TFAP2B: variants seen among roughly 807,000 people sequenced by gnomAD.
TFAP2B encodes transcription factor AP-2-beta.
In TFAP2B, 9 loss-of-function variants were observed where a neutral mutation model predicts 44.3. The ratio of observed to expected loss-of-function variants is 0.20; its 90% CI spans 0.12 to 0.35. TFAP2B has a LOEUF of 0.35. Among genes scored for constraint, TFAP2B ranks in the 10% least tolerant of loss-of-function variants. The pLI is 1.00. For missense variants in TFAP2B, 509 were observed against 600.0 expected (o/e 0.85, Z 1.59); for synonymous variants, 270 against 263.8 (o/e 1.02, Z -0.23).
intron 2 of TFAP2B, among the ~76,000 whole-genome samples, 187 bp from the exon 3 acceptor site, chr6:50,828,432 G>A (rs1221496569): frequency 1.3e-5 from 2 of 151,950 alleles, no homozygotes; most frequent in African/African-American, 4.8e-5. Context: ...TTCTTCCATT[G>A]GAAAAATTTA....
intron 3 of TFAP2B, chr6:50,830,272 G>T (rs1166592067): frequency 1.0e-6 from 1 of 984,074 alleles, no homozygotes; most frequent in East Asian, 1.1e-4. Context: ...CCCAACAGAT[G>T]ACCAATCAGA....
chr6:50,823,658 G>T lies in TFAP2B; in HGVS notation c.333G>T (p.Arg111=), dbSNP rs1770420707. ...PQQHPWGQRQ[R]QEVGSEAGSL... ...AACATCCCTGGGGGCAACGGCAGCG[G>T]CAAGAAGTGGGTTCGGAAGCCGGCT... is the stretch of plus-strand genomic sequence containing the variant. The change falls in exon 2 of 7, where the codon CGG becomes CGT. Residue 111 remains arginine, a synonymous_variant. Transcript: ENST00000393655. 1 of 1,613,868 alleles carries T rather than the reference G, an allele frequency of 6.2e-7. No individual in the cohort carries two copies. The highest frequency in any genetic ancestry group is 8.5e-7 in the Non-Finnish European group (1 of 1,179,954).
chr6:50,834,813 T>G (rs756524534), intron 3 of TFAP2B, among the ~76,000 whole-genome samples: 15 of 152,194 alleles, frequency 9.9e-5, no homozygotes, highest in Admixed American at 3.3e-4. Context: ...TTCCAAAGAT[T>G]TTTTGGACTG....
At chr6:50,832,539 A>G (rs1325793059) in intron 3 of TFAP2B, among the ~76,000 whole-genome samples, 1 of 152,188 alleles carries the variant, frequency 6.6e-6, no homozygotes, top group Non-Finnish European at 1.5e-5. Context: ...ATCTGAGGAA[A>G]GGGTGCTTTG....
At position 50,846,374 on chromosome 6, in the gene TFAP2B, A is replaced by T. The variant is rs1359936143; in HGVS notation, c.*2982A>T. ...CTATAAATCAATAAACAGTAGGATT[A>T]ACGCAATAGTTTGCCTTTTAAGTCA... is the stretch of plus-strand genomic sequence containing the variant. On this transcript the variant is annotated 3_prime_UTR_variant, in exon 7 of 7. Transcript: ENST00000393655. The T allele has an allele frequency of 1.3e-5, 2 of 152,666 alleles. No individual in the cohort carries two copies. Among genetic ancestry groups the T allele is most frequent in the Non-Finnish European group, 2.9e-5 (2 of 68,054 alleles). 9.5% of individuals were successfully genotyped at this position (152,666 alleles called of 1,614,324 possible). A position where few individuals can be genotyped will look rare whatever the true frequency, so the allele number is the denominator to read the frequency against.
intron 3 of TFAP2B, among the ~76,000 whole-genome samples, chr6:50,835,299 C>T (rs1480660681): frequency 6.6e-6 from 1 of 152,236 alleles, no homozygotes; most frequent in Non-Finnish European, 1.5e-5. Flanking sequence ...CTGTTCCAAA[C>T]AATCACTAGC....
rs1770414853 is a variant in TFAP2B at position 50,823,528 on chromosome 6, C to T, written c.203C>T (p.Pro68Leu). The change falls in exon 2 of 7, where the codon CCC (proline) becomes CTC (leucine). Residue 68 changes from proline (P) to leucine (L), a missense_variant. By Grantham distance (98) the Pro-to-Leu change is moderately conservative. Transcript: ENST00000393655. ...ACCCCGTCGTCGGACTTCCAGCCGC[C>T]CTACTTCCCACCCCCCTACCAGCCG... Reference protein sequence around the residue: ...SHTPSSDFQPPYFPPPYQPLP... With the variant: ...SHTPSSDFQPLYFPPPYQPLP... 6.2e-7 allele frequency: 1 copy of T among 1,613,830 alleles called. No individual in the cohort carries two copies. The highest frequency in any genetic ancestry group is 1.7e-5 in the Admixed American group (1 of 59,976).
rs976553844 is a variant in TFAP2B, at chr6:50,845,861, C to G, written c.*2469C>G. The G allele has an allele frequency of 1.3e-5, 2 of 152,738 alleles. No individual in the cohort carries two copies. The highest frequency in any genetic ancestry group is 2.9e-5 in the Non-Finnish European group (2 of 68,108). The allele number at this position is 152,738 out of a possible 1,614,324, so 9.5% of individuals were successfully genotyped here. Reference sequence around the variant, plus strand: ...GCCGACTGCGCGGGCCCTTCCCGCTCTCGGTCTCACCCTAAGGGCTAAGGC... The same window carrying G: ...GCCGACTGCGCGGGCCCTTCCCGCTGTCGGTCTCACCCTAAGGGCTAAGGC... On this transcript the variant is annotated 3_prime_UTR_variant, in exon 7 of 7. Coordinates refer to ENST00000393655, the MANE Select transcript of TFAP2B (RefSeq NM_003221.4).
chr6:50,840,944 T>G (rs1291252875), intron 6 of TFAP2B, among the ~76,000 whole-genome samples: 1 of 152,262 alleles, frequency 6.6e-6, no homozygotes, highest in Non-Finnish European at 1.5e-5. Flanking sequence ...CGGCGCTGCG[T>G]GCGCCCGCAC....
In TFAP2B at chr6:50,846,538, G is replaced by C. The variant is rs993505279; in HGVS notation, c.*3146G>C. Reference sequence around the variant, plus strand: ...AAACGCTCAGTCCCAAAACAAAATAGCGAAAGACAGGAGGAGTCAGGATGT... The same window carrying C: ...AAACGCTCAGTCCCAAAACAAAATACCGAAAGACAGGAGGAGTCAGGATGT... On this transcript the variant is annotated 3_prime_UTR_variant, in exon 7 of 7. Coordinates refer to ENST00000393655, the MANE Select transcript of TFAP2B (RefSeq NM_003221.4). 1 of 152,370 alleles carries C rather than the reference G, an allele frequency of 6.6e-6. No homozygotes were observed. The highest frequency in any genetic ancestry group is 2.4e-5 in the African/African-American group (1 of 41,430). 9.4% of individuals were successfully genotyped at this position (152,370 alleles called of 1,614,324 possible).
At chr6:50,827,404 GA>G (rs1284505833) in intron 2 of TFAP2B, among the ~76,000 whole-genome samples, 57 of 152,274 alleles carry the variant, frequency 3.7e-4, no homozygotes, top group African/African-American at 1.3e-3. Context: ...ACTTTTCTGA[GA>G]ACAAAAGAGT....
In TFAP2B at chr6:50,839,603, T is replaced by C. The variant is rs923891319; in HGVS notation, c.941-553T>C. Reference sequence around the variant, plus strand: ...CTCTGAAGGGGAGAAACCTGAAACTTGACTAGCAGGAAAAGTGACAAGGAG... The same window carrying C: ...CTCTGAAGGGGAGAAACCTGAAACTCGACTAGCAGGAAAAGTGACAAGGAG... On this transcript the variant is annotated intron_variant, in intron 5 of 6. Coordinates refer to ENST00000393655, the MANE Select transcript of TFAP2B (RefSeq NM_003221.4). Among the ~76,000 whole-genome samples, 4 of 152,290 alleles carry C rather than the reference T, an allele frequency of 2.6e-5. No homozygotes were observed. In the East Asian group the frequency reaches 7.7e-4, roughly 29 times the overall value.
rs1006550501 is a variant in TFAP2B at position 50,846,268 on chromosome 6, C to T, written c.*2876C>T. ...CCTCACTTCTCCTTTCATGTAGGAC[C>T]CCCGCCCCCTTGCTTTCCTTAGCCA... On this transcript the variant is annotated 3_prime_UTR_variant, in exon 7 of 7. Coordinates refer to ENST00000393655, the MANE Select transcript of TFAP2B (RefSeq NM_003221.4). The T allele has an allele frequency of 6.6e-6, 1 of 152,644 alleles. No individual in the cohort carries two copies. Among genetic ancestry groups the T allele is most frequent in the African/African-American group, 2.4e-5 (1 of 41,516 alleles). The allele number at this position is 152,644 out of a possible 1,614,324, so 9.5% of individuals were successfully genotyped here.
intron 3 of TFAP2B, among the ~76,000 whole-genome samples, chr6:50,828,984 T>C (rs1315406658): frequency 6.6e-6 from 1 of 152,198 alleles, no homozygotes; most frequent in African/African-American, 2.4e-5. Flanking sequence ...ATGTGTGGAA[T>C]TGGCTGGTAA....
intron 1 of TFAP2B, among the ~76,000 whole-genome samples, chr6:50,821,237 A>C (rs1291647447): frequency 1.3e-5 from 2 of 152,230 alleles, no homozygotes; most frequent in African/African-American, 2.4e-5. Flanking sequence ...TGTGAGCACT[A>C]AACAGGAAAA....
rs1236009272 is a variant in TFAP2B at position 50,844,866 on chromosome 6, G to T, written c.*1474G>T. On this transcript the variant is annotated 3_prime_UTR_variant, in exon 7 of 7. Coordinates refer to ENST00000393655, the MANE Select transcript of TFAP2B (RefSeq NM_003221.4). ...TCTTACAAGATGCTTTATGAATGAG[G>T]CATTTTTCCCTCCCAGACGTGCACT... 2.6e-5 allele frequency: 4 copies of T among 152,184 alleles called. No individual in the cohort carries two copies. The highest frequency in any genetic ancestry group is 5.9e-5 in the Non-Finnish European group (4 of 68,038). 9.4% of individuals were successfully genotyped at this position (152,184 alleles called of 1,614,324 possible).
At chr6:50,840,813 A>T (rs1164257038) in intron 6 of TFAP2B, among the ~76,000 whole-genome samples, 1 of 152,210 alleles carries the variant, frequency 6.6e-6, no homozygotes, top group Non-Finnish European at 1.5e-5. Flanking sequence ...CTCTGGCTAA[A>T]TTTAGGTCTA....
chr6:50,843,769 C>G lies in TFAP2B; in HGVS notation c.*377C>G, dbSNP rs894300072. On this transcript the variant is annotated 3_prime_UTR_variant, in exon 7 of 7. Coordinates refer to ENST00000393655, the MANE Select transcript of TFAP2B (RefSeq NM_003221.4). ...ACTTATTGGAAGAAAATCGGAGAAA[C>G]GTTGGTGTCAATGCTTTGAGAGCTG... 5.4e-6 allele frequency: 1 copy of G among 184,024 alleles called. No individual in the cohort carries two copies. Among genetic ancestry groups the G allele is most frequent in the Admixed American group, 5.7e-5 (1 of 17,542 alleles). The allele number at this position is 184,024 out of a possible 1,614,324, so 11.4% of individuals were successfully genotyped here.
chr6:50,833,964 T>C (rs1267673479), intron 3 of TFAP2B, among the ~76,000 whole-genome samples: 1 of 152,264 alleles, frequency 6.6e-6, no homozygotes, highest in Non-Finnish European at 1.5e-5. Flanking sequence ...AATTTATTTC[T>C]ATAATTCATA....
Sources: allele counts gnomAD v4.1 joint callset (sites outside exome capture counted in the v4.1 genomes callset), GRCh38; gene constraint gnomAD v4.1.1; transcripts MANE v1.5; gene names NCBI Gene and HGNC (gene_info 2026-07-23, HGNC 2026-07-21).